EML4: variants seen among roughly 807,000 people sequenced by gnomAD.
The protein encoded by EML4 is echinoderm microtubule-associated protein-like 4.
Under a neutral mutation model 129.0 loss-of-function variants are expected in EML4, and 72 were observed. The observed-to-expected ratio is 0.56, with a 90% CI of 0.46 to 0.68. The LOEUF (loss-of-function observed/expected upper bound fraction) is 0.68, where lower values mean the gene tolerates loss of function less well. Among genes scored for constraint, EML4 ranks in the 30% least tolerant of loss-of-function variants. EML4 has a pLI of 0.00. For missense variants in EML4, 1,363 were observed against 1,190.6 expected, an observed-to-expected ratio of 1.14 and a Z score of -2.13; for synonymous variants, 532 against 405.0, an observed-to-expected ratio of 1.31 and a Z score of -3.77.
chr2:42,238,260 C>G (rs1207476346), intron 1 of EML4, among the ~76,000 whole-genome samples: 1 of 152,068 alleles, frequency 6.6e-6, no homozygotes, highest in East Asian at 1.9e-4. Context: ...GATACTCAAC[C>G]TGTAATATGT....
chr2:42,182,516 T>A (rs905809270), intron 1 of EML4, among the ~76,000 whole-genome samples: 8 of 152,062 alleles, frequency 5.3e-5, no homozygotes, highest in African/African-American at 1.9e-4. Context: ...AATGACCTCC[T>A]TACACACTTG....
At chr2:42,256,751 A>G in intron 3 of EML4, 121 bp downstream of exon 3, 1 of 1,233,766 alleles carries the variant, frequency 8.1e-7, no homozygotes, top group Non-Finnish European at 1.1e-6. Flanking sequence ...TGTCCTTTGA[A>G]TTCTTAAACT....
intron 1 of EML4, among the ~76,000 whole-genome samples, chr2:42,203,983 C>T (rs933676710): frequency 1.3e-5 from 2 of 152,102 alleles, no homozygotes; most frequent in Non-Finnish European, 2.9e-5. Context: ...TGCAGTGACA[C>T]AATCATAGTG....
chr2:42,237,519 G>A (rs534359860), intron 1 of EML4, among the ~76,000 whole-genome samples: 18 of 151,964 alleles, frequency 1.2e-4, no homozygotes, highest in Non-Finnish European at 2.4e-4. Context: ...TTTAATATAT[G>A]GTTCACCCTT....
At chr2:42,196,768 C>G (rs576068416) in intron 1 of EML4, among the ~76,000 whole-genome samples, 48 of 152,272 alleles carry the variant, frequency 3.2e-4, no homozygotes, top group African/African-American at 1.1e-3. Flanking sequence ...TTCCCTTCCC[C>G]CTCTGCCCAT....
chr2:42,302,872 A>T (rs546593176), intron 14 of EML4, among the ~76,000 whole-genome samples: 2 of 152,146 alleles, frequency 1.3e-5, no homozygotes, highest in Non-Finnish European at 2.9e-5. Context: ...CTAAAGTCAT[A>T]TAAAATATAC....
Position 42,245,662 on chromosome 2 carries a change from A to G in EML4, c.183A>G (p.Ser61=). ...RLAISEDHVA[S]VKKSVSSKGQ... ...CAATCTCTGAAGATCATGTGGCCTC[A>G]GTGAAAAAATCAGTCTCAAGTAAAG... The change falls in exon 2 of 23, where the codon TCA becomes TCG. Residue 61 remains serine, a synonymous_variant. Transcript: ENST00000318522. 7.5e-6 allele frequency: 12 copies of G among 1,610,646 alleles called. No individual in the cohort carries two copies. Among genetic ancestry groups the G allele is most frequent in the South Asian group, 1.1e-5 (1 of 90,336 alleles).
chr2:42,327,424 G>A (rs967742464), intron 21 of EML4, among the ~76,000 whole-genome samples: 16 of 152,226 alleles, frequency 1.1e-4, no homozygotes, highest in African/African-American at 3.4e-4. Context: ...CTGCCAGACT[G>A]TTTTCCACAG....
At chr2:42,278,058 C>G (rs1230364857) in intron 6 of EML4, among the ~76,000 whole-genome samples, 1 of 152,194 alleles carries the variant, frequency 6.6e-6, no homozygotes, top group Non-Finnish European at 1.5e-5. Context: ...CATTTTCAGT[C>G]TGGTTCTAAT....
At chr2:42,180,103 AGTTTAAAAAAATT>A (rs1024377429) in intron 1 of EML4, among the ~76,000 whole-genome samples, 11 of 152,336 alleles carry the variant, frequency 7.2e-5, no homozygotes, top group African/African-American at 2.6e-4. Flanking sequence ...TCAAATGAAA[AGTTTAAAAAAATT>A]GTATGAACTT....
chr2:42,174,563 G>C (rs1670482678), intron 1 of EML4, among the ~76,000 whole-genome samples: 1 of 152,076 alleles, frequency 6.6e-6, no homozygotes, highest in Non-Finnish European at 1.5e-5. Flanking sequence ...AAAGTTCTGG[G>C]ATTACAGGTG....
In EML4 at chr2:42,263,323, C is replaced by G. The variant is rs1226899280; in HGVS notation, c.641+17C>G. The G allele has an allele frequency of 9.2e-6, 14 of 1,523,960 alleles. No individual in the cohort carries two copies. The Admixed American group carries it at 1.5e-4, about 16-fold the overall frequency. 94.4% of individuals were successfully genotyped at this position (1,523,960 alleles called of 1,614,324 possible). A position where few individuals can be genotyped will look rare whatever the true frequency, so the allele number is the denominator to read the frequency against. On this transcript the variant is annotated intron_variant, in intron 5 of 22. Coordinates refer to ENST00000318522, the MANE Select transcript of EML4 (RefSeq NM_019063.5). Reference sequence around the variant, plus strand: ...TGCAGACAAGTAAGTATTGCACTTTCTTCATTATATCTGAAAAGTAATAAT... The same window carrying G: ...TGCAGACAAGTAAGTATTGCACTTTGTTCATTATATCTGAAAAGTAATAAT...
chr2:42,329,689 A>G, intron 22 of EML4, 45 bp from the exon 23 acceptor site: 1 of 1,532,050 alleles, frequency 6.5e-7, no homozygotes. Context: ...CAGGCATGTC[A>G]AGAATGAGTT....
At chr2:42,285,369 T>C (rs981596604) in intron 9 of EML4, among the ~76,000 whole-genome samples, 4 of 152,208 alleles carry the variant, frequency 2.6e-5, no homozygotes, top group East Asian at 3.9e-4. Flanking sequence ...ACTATACTCA[T>C]GACATTCTCA....
At chr2:42,209,577 A>T (rs1212278537) in intron 1 of EML4, among the ~76,000 whole-genome samples, 1 of 152,150 alleles carries the variant, frequency 6.6e-6, no homozygotes, top group East Asian at 1.9e-4. Context: ...TGATTTTCCC[A>T]GTCTCTTAAA....
At chr2:42,212,673 C>G (rs1388797764) in intron 1 of EML4, among the ~76,000 whole-genome samples, 1 of 152,114 alleles carries the variant, frequency 6.6e-6, no homozygotes, top group African/African-American at 2.4e-5. Flanking sequence ...ACTGTATGTC[C>G]ACATTATTCA....
chr2:42,214,159 A>T (rs1673040219), intron 1 of EML4, among the ~76,000 whole-genome samples: 1 of 152,210 alleles, frequency 6.6e-6, no homozygotes, highest in African/African-American at 2.4e-5. Context: ...TTAAGACAAC[A>T]GCTTGGGCGG....
In EML4 at chr2:42,169,362, G is replaced by T. The variant is rs1381077296; in HGVS notation, c.-250G>T. ...CGGGGCGCGGCGCGGCGCGGCGCTC[G>T]CGGCTGCTGCCTGGGAGGGAGGCCG... On this transcript the variant is annotated 5_prime_UTR_variant, in exon 1 of 23. Coordinates refer to ENST00000318522, the MANE Select transcript of EML4 (RefSeq NM_019063.5). 1 of 204,352 alleles carries T rather than the reference G, an allele frequency of 4.9e-6. No individual in the cohort carries two copies. Among genetic ancestry groups the T allele is most frequent in the Non-Finnish European group, 9.9e-6 (1 of 101,364 alleles). The allele number at this position is 204,352 out of a possible 1,614,324, so 12.7% of individuals were successfully genotyped here.
chr2:42,180,333 A>G (rs554078711), intron 1 of EML4, among the ~76,000 whole-genome samples: 2 of 152,318 alleles, frequency 1.3e-5, no homozygotes, highest in East Asian at 1.9e-4. Flanking sequence ...GCCAACAGAC[A>G]TATTTTGTTT....
Sources: allele counts gnomAD v4.1 joint callset (sites outside exome capture counted in the v4.1 genomes callset), GRCh38; gene constraint gnomAD v4.1.1; transcripts MANE v1.5; gene names NCBI Gene and HGNC (gene_info 2026-07-23, HGNC 2026-07-21).